The following BIRC6 variants were observed in gnomAD, a reference collection of about 807,000 sequenced individuals.
BIRC6 encodes the protein baculoviral IAP repeat containing 6.
In BIRC6, 98 loss-of-function variants were observed where a neutral mutation model predicts 503.3. That is an observed-to-expected ratio of 0.19 (90% CI 0.17 to 0.23). BIRC6 has a LOEUF of 0.23. Among genes scored for constraint, BIRC6 ranks in the 10% least tolerant of loss-of-function variants. The probability of loss-of-function intolerance (pLI) is 1.00; values close to 1 mark genes in which losing one functional copy is unlikely to be tolerated. For synonymous variants in BIRC6, 2,240 were observed against 2,078.7 expected, an observed-to-expected ratio of 1.08 and a Z score of -2.11; for missense variants, 5,360 against 5,806.0, an observed-to-expected ratio of 0.92 and a Z score of 2.50.
At chr2:32,450,782 C>G (rs1331101241) in intron 22 of BIRC6, among the ~76,000 whole-genome samples, 1 of 152,124 alleles carries the variant, frequency 6.6e-6, no homozygotes, top group African/African-American at 2.4e-5. Context: ...TTGTGTATAA[C>G]TTACACACAT....
chr2:32,458,190 T>C (rs1286827819), intron 23 of BIRC6, among the ~76,000 whole-genome samples: 1 of 152,180 alleles, frequency 6.6e-6, no homozygotes, highest in Non-Finnish European at 1.5e-5. Context: ...TCTCAAACTT[T>C]CTGAGATTGC....
chr2:32,541,093 T>C (rs1195674383), intron 61 of BIRC6, among the ~76,000 whole-genome samples: 1 of 152,080 alleles, frequency 6.6e-6, no homozygotes, highest in Non-Finnish European at 1.5e-5. Flanking sequence ...TGGCATCATA[T>C]GAGAATAGTC....
chr2:32,429,672 G>T (rs1014370183), intron 11 of BIRC6, among the ~76,000 whole-genome samples: 31 of 152,070 alleles, frequency 2.0e-4, no homozygotes, highest in African/African-American at 7.5e-4. Flanking sequence ...CGATAGGTTT[G>T]TTTATATTTG....
rs777056817 is a variant in BIRC6, at chr2:32,445,641, C to G, written c.4457C>G (p.Thr1486Arg). The G allele has an allele frequency of 3.2e-6, 5 of 1,574,544 alleles. No homozygotes were observed. Among genetic ancestry groups the G allele is most frequent in the Non-Finnish European group, 4.3e-6 (5 of 1,158,984 alleles). Residue 1486 changes from threonine (T) to arginine (R), a missense_variant, in exon 21 of 74, where the codon ACA (threonine) becomes AGA (arginine). By Grantham distance (71) the Thr-to-Arg change is moderately conservative (BLOSUM62 -1). Around this residue, in one of 16 missense-constraint regions of BIRC6, gnomAD observed 2,299 missense variants for 2,267.2 expected, o/e 1.01. Coordinates refer to ENST00000421745, the MANE Select transcript of BIRC6 (RefSeq NM_016252.4). ...TCCAGACAGTTACAGGACAGGCTAACACCAATGGAGGCTTTACTTCAGACA... is the reference window on the plus strand; with the variant it reads ...TCCAGACAGTTACAGGACAGGCTAAGACCAATGGAGGCTTTACTTCAGACA... ...AVSRQLQDRLTPMEALLQTRY... is the reference protein window; with the variant it reads ...AVSRQLQDRLRPMEALLQTRY...
intron 55 of BIRC6, 48 bp from the exon 56 acceptor site, chr2:32,518,206 C>T (rs768918178): frequency 6.6e-7 from 1 of 1,510,276 alleles, no homozygotes; most frequent in Admixed American, 2.0e-5. Flanking sequence ...AAATAAAAAG[C>T]TGCATATAAA....
At chr2:32,393,063 C>T (rs2039451980) in intron 5 of BIRC6, among the ~76,000 whole-genome samples, 1 of 151,778 alleles carries the variant, frequency 6.6e-6, no homozygotes, top group African/African-American at 2.4e-5. Flanking sequence ...GTAGTAGATG[C>T]TTAGGGTAAT....
At chr2:32,586,318 A>G (rs1211213955) in intron 66 of BIRC6, among the ~76,000 whole-genome samples, 2 of 151,118 alleles carry the variant, frequency 1.3e-5, no homozygotes, top group Admixed American at 6.6e-5. Context: ...AGCATAACAT[A>G]TTAGTATAAA....
At position 32,357,557 on chromosome 2, in the gene BIRC6, G is replaced by T. The variant is rs1038079460; in HGVS notation, c.325+71G>T. 1.0e-5 allele frequency: 15 copies of T among 1,503,714 alleles called. No individual in the cohort carries two copies. The highest frequency in any genetic ancestry group is 7.5e-5 in the South Asian group (6 of 80,236). 93.1% of individuals were successfully genotyped at this position (1,503,714 alleles called of 1,614,324 possible). ...CCGTCCAGCCCCGGGGCTCGGCCTC[G>T]CGACTCGGGGAAGCGAGATGGCGAG... On this transcript the variant is annotated intron_variant, in intron 1 of 73. Transcript: ENST00000421745. The surrounding 1 kb of genome is among the most constrained non-coding windows in gnomAD (Gnocchi z 4.9).
At chr2:32,589,805 G>A (rs757422149) in intron 66 of BIRC6, among the ~76,000 whole-genome samples, 2 of 152,206 alleles carry the variant, frequency 1.3e-5, no homozygotes, top group Non-Finnish European at 2.9e-5. Context: ...AGTACCTTCC[G>A]TATGTCTGGT....
intron 1 of BIRC6, among the ~76,000 whole-genome samples, chr2:32,367,721 CA>C (rs2035167572): frequency 6.6e-6 from 1 of 152,044 alleles, no homozygotes; most frequent in Non-Finnish European, 1.5e-5. Context: ...GAGGCTGAGG[CA>C]GGAGAATCGC....
At chr2:32,359,548 T>TGA (rs1312699612) in intron 1 of BIRC6, among the ~76,000 whole-genome samples, 1 of 152,182 alleles carries the variant, frequency 6.6e-6, no homozygotes, top group African/African-American at 2.4e-5. Flanking sequence ...CATCTGTTGA[T>TGA]TAGAAGAGTT....
At chr2:32,568,094 A>G (rs2059652676) in intron 65 of BIRC6, among the ~76,000 whole-genome samples, 1 of 152,198 alleles carries the variant, frequency 6.6e-6, no homozygotes, top group African/African-American at 2.4e-5. Flanking sequence ...ACTGGGCAAC[A>G]GAGCGAGACT....
Position 32,508,196 on chromosome 2 carries a change from C to T in BIRC6, c.9917C>T (p.Thr3306Ile), listed in dbSNP as rs1313742438. The T allele has an allele frequency of 1.2e-6, 2 of 1,612,648 alleles. No individual in the cohort carries two copies. The highest frequency in any genetic ancestry group is 2.2e-5 in the South Asian group (2 of 91,002). ...TTATTGGGGCTCACTGCTTTTGGTA[C>T]CACCTCTTCTGCAACAGTTAATAAT... The part of the protein sequence containing the change: ...IKLLGLTAFG[T>I]TSSATVNNPF... The change falls in exon 51 of 74, where the codon ACC (threonine) becomes ATC (isoleucine). Residue 3306 changes from threonine to isoleucine, a missense_variant. Around this residue, in one of 16 missense-constraint regions of BIRC6, gnomAD observed 62 missense variants for 107.4 expected, o/e 0.58. Transcript: ENST00000421745.
intron 31 of BIRC6, among the ~76,000 whole-genome samples, chr2:32,470,671 A>G (rs898685580): frequency 3.5e-4 from 53 of 152,308 alleles, no homozygotes; most frequent in Admixed American, 1.6e-3. Context: ...TTAGTGCTAT[A>G]TGAATTATAA....
In BIRC6 at chr2:32,545,860, G is replaced by T; in HGVS notation, c.12810G>T (p.Glu4270Asp). ...RVPNSSVNQT[E>D]PQVSSSHNPT... ...CAAACTCTAGCGTGAATCAAACTGA[G>T]GTAGGTTCACTTTTAATTATTTCAG... Residue 4270 changes from glutamate to aspartate, a missense_variant and splice_region_variant, in exon 63 of 74, where the codon GAG (glutamate) becomes GAT (aspartate). By Grantham distance (45) the Glu-to-Asp change is conservative. This residue lies in a region of BIRC6 where 477 missense variants were observed against 574.4 expected (regional missense o/e 0.83). Transcript: ENST00000421745. 1.2e-6 allele frequency: 2 copies of T among 1,609,772 alleles called. No homozygotes were observed. The highest frequency in any genetic ancestry group is 1.7e-6 in the Non-Finnish European group (2 of 1,176,354).
At chr2:32,451,403 T>C (rs886289598) in intron 22 of BIRC6, among the ~76,000 whole-genome samples, 8 of 152,220 alleles carry the variant, frequency 5.3e-5, no homozygotes, top group African/African-American at 1.9e-4. Context: ...ATTTTGATGA[T>C]AGTAGAATGA....
intron 65 of BIRC6, among the ~76,000 whole-genome samples, chr2:32,559,172 C>T (rs536469082): frequency 3.7e-4 from 56 of 152,270 alleles, no homozygotes; most frequent in African/African-American, 1.1e-3. Context: ...GTCACACACC[C>T]GCATCTGTAG....
chr2:32,617,722 T>C lies in BIRC6; in HGVS notation c.14395-3T>C. ...CTAACATTAGTCCTTTTCTCCTGCA[T>C]AGCGTCACACTGCTCAGCTCCGCGA... On this transcript the variant is annotated splice_region_variant and splice_polypyrimidine_tract_variant and intron_variant, in intron 73 of 73. Coordinates refer to ENST00000421745, the MANE Select transcript of BIRC6 (RefSeq NM_016252.4). 1.9e-6 allele frequency: 3 copies of C among 1,612,904 alleles called. No individual in the cohort carries two copies. Among genetic ancestry groups the C allele is most frequent in the Non-Finnish European group, 8.5e-7 (1 of 1,179,288 alleles).
rs531598847 is a variant in BIRC6 at position 32,562,708 on chromosome 2, A to G, written c.13145-12448A>G. On this transcript the variant is annotated intron_variant, in intron 65 of 73. Transcript: ENST00000421745. Reference sequence around the variant, plus strand: ...GTAATCATAAGATCTAGCCTTTTAGATTGGCTTCTTTCATTTAATAATATA... The same window carrying G: ...GTAATCATAAGATCTAGCCTTTTAGGTTGGCTTCTTTCATTTAATAATATA... 1.2e-4 allele frequency among the ~76,000 whole-genome samples: 18 copies of G among 152,202 alleles called. No homozygotes were observed. In the South Asian group the frequency reaches 3.7e-3, roughly 32 times the overall value.
Sources: allele counts gnomAD v4.1 joint callset (sites outside exome capture counted in the v4.1 genomes callset), GRCh38; gene constraint gnomAD v4.1.1; regional missense constraint gnomAD v4.1.1; non-coding constraint Gnocchi (gnomAD v3.1); transcripts MANE v1.5; gene names NCBI Gene and HGNC (gene_info 2026-07-23, HGNC 2026-07-21).